Variants in NRG4 observed in about 807,000 individuals in gnomAD.
NRG4 encodes the protein neuregulin 4.
A neutral mutation model predicts 15.0 loss-of-function variants in NRG4; 10 were observed. The ratio of observed to expected loss-of-function variants is 0.67; its 90% confidence interval spans 0.41 to 1.13. The LOEUF is 1.13. Among genes scored for constraint, NRG4 ranks in the 50% most tolerant of loss-of-function variants. The probability of loss-of-function intolerance (pLI) is 0.00; values close to 1 mark genes in which losing one functional copy is unlikely to be tolerated. For missense variants in NRG4, 139 were observed against 140.2 expected, an observed-to-expected ratio of 0.99 and a Z score of 0.04; for synonymous variants, 41 against 50.1, an observed-to-expected ratio of 0.82 and a Z score of 0.77.
intron 3 of NRG4, among the ~76,000 whole-genome samples, chr15:76,002,626 T>C (rs1482569953): frequency 1.3e-5 from 2 of 151,920 alleles, no homozygotes; most frequent in Non-Finnish European, 2.9e-5. Context: ...TACAGATAGG[T>C]TAAAAGAGGA....
chr15:76,024,869 T>C (rs1216875979), intron 5 of NRG4, among the ~76,000 whole-genome samples: 2 of 152,096 alleles, frequency 1.3e-5, no homozygotes, highest in Non-Finnish European at 2.9e-5. Context: ...CCAAGACCCA[T>C]CTATATGTAT....
At chr15:76,044,131 G>A (rs1193514195) in intron 4 of NRG4, among the ~76,000 whole-genome samples, 1 of 151,900 alleles carries the variant, frequency 6.6e-6, no homozygotes, top group African/African-American at 2.4e-5. Context: ...CCGAGTAGCT[G>A]GGACTACAAG....
chr15:76,032,017 A>T (rs1457504880), intron 5 of NRG4, among the ~76,000 whole-genome samples: 1 of 152,314 alleles, frequency 6.6e-6, no homozygotes, highest in East Asian at 1.9e-4. Flanking sequence ...AGAGAGGAGA[A>T]TTACCCACTA....
rs115585068 is a variant in NRG4, at chr15:76,046,161, T to C, written c.-105+5906A>G. Among the ~76,000 whole-genome samples the C allele has an allele frequency of 8.1e-3, 1,229 of 150,910 alleles. 84 individuals carry two copies. Among genetic ancestry groups the C allele is most frequent in the African/African-American group, 0.03 (1,205 of 40,470 alleles). ...AATCTAACTAAAGAAGTGAAAGATC[T>C]ATACAAGCAAAACCATGAAACTGAT... On this transcript the variant is annotated intron_variant, in intron 4 of 8. Coordinates refer to the NRG4 transcript ENST00000563910.
At chr15:76,043,096 T>C (rs1003356236) in intron 4 of NRG4, among the ~76,000 whole-genome samples, 1 of 152,112 alleles carries the variant, frequency 6.6e-6, no homozygotes, top group African/African-American at 2.4e-5. Context: ...CTGATAAAAT[T>C]CAACATTTCA....
chr15:76,038,739 T>TAG (rs1018702197), intron 4 of NRG4, among the ~76,000 whole-genome samples: 83 of 152,244 alleles, frequency 5.5e-4, no homozygotes, highest in African/African-American at 1.9e-3. Context: ...ATGCTGACTG[T>TAG]AGAGCCCTAG....
intron 1 of NRG4, among the ~76,000 whole-genome samples, chr15:76,058,478 G>C (rs2036209345): frequency 6.6e-6 from 1 of 152,166 alleles, no homozygotes; most frequent in African/African-American, 2.4e-5. Context: ...GTATAATCCA[G>C]GGAAGGTAGT....
At chr15:75,954,293 G>T in intron 5 of NRG4, among the ~76,000 whole-genome samples, 2 of 148,192 alleles carry the variant, frequency 1.3e-5, no homozygotes, top group Non-Finnish European at 1.5e-5. Context: ...TCAGACACTA[G>T]TTTTCATCTC....
At chr15:76,049,058 A>T (rs1189385949) in intron 4 of NRG4, among the ~76,000 whole-genome samples, 2 of 150,466 alleles carry the variant, frequency 1.3e-5, no homozygotes, top group Non-Finnish European at 1.5e-5. Context: ...AAGAAAAAAA[A>T]AATCCAAACA....
intron 3 of NRG4, among the ~76,000 whole-genome samples, chr15:75,984,088 G>A (rs2133409): frequency 0.04 from 6,021 of 152,190 alleles, 215 homozygotes; most frequent in African/African-American, 0.094. Flanking sequence ...TTAGGATAGC[G>A]AAAATACCTG....
At chr15:76,056,583 C>A (rs149018298) in intron 2 of NRG4, among the ~76,000 whole-genome samples, 9 of 152,050 alleles carry the variant, frequency 5.9e-5, no homozygotes, top group African/African-American at 2.2e-4. Context: ...ATTTTTCAGG[C>A]TTTTACCAAC....
intron 5 of NRG4, among the ~76,000 whole-genome samples, chr15:76,029,051 ACAAAATACTAGCAAGCCAAATC>A (rs2035399259): frequency 6.6e-6 from 1 of 152,224 alleles, no homozygotes; most frequent in South Asian, 2.1e-4. Flanking sequence ...AAATTCCTCA[ACAAAATACTAGCAAGCCAAATC>A]CAAAATACAT....
chr15:76,043,989 G>A (rs901545441), intron 4 of NRG4, among the ~76,000 whole-genome samples: 1 of 152,018 alleles, frequency 6.6e-6, no homozygotes, highest in Non-Finnish European at 1.5e-5. Flanking sequence ...ATCCATACAT[G>A]AACTAATTTT....
chr15:76,042,063 A>G (rs1474078799), intron 4 of NRG4, among the ~76,000 whole-genome samples: 1 of 152,208 alleles, frequency 6.6e-6, no homozygotes, highest in Admixed American at 6.5e-5. Context: ...AAATTAAACA[A>G]TATGCTCCAG....
chr15:76,009,227 A>G lies in NRG4; in HGVS notation c.77T>C (p.Ile26Thr), dbSNP rs147012132. 35 of 1,596,456 alleles carry G rather than the reference A, an allele frequency of 2.2e-5. No homozygotes were observed. Among genetic ancestry groups the G allele is most frequent in the Non-Finnish European group, 3.0e-5 (35 of 1,164,540 alleles). ...ACAAAATGGGCTGGGAATAGTAGGT[A>G]TCACATAACAAAGCCCCCCATTCAG... ...FCLNGGLCYV[I>T]PTIPSPFCRC... Residue 26 changes from isoleucine (I) to threonine (T), a missense_variant, in exon 3 of 6, where the codon ATA (isoleucine) becomes ACA (threonine). Ile to Thr is a moderately conservative substitution (Grantham distance 89). Transcript: ENST00000394907.
intron 4 of NRG4, among the ~76,000 whole-genome samples, chr15:76,048,655 C>G (rs1263929881): frequency 6.6e-6 from 1 of 150,688 alleles, no homozygotes; most frequent in Non-Finnish European, 1.5e-5. Context: ...TAGTGCTCCC[C>G]ACCCTCACTA....
chr15:76,005,400 A>G (rs2034562515), intron 3 of NRG4, among the ~76,000 whole-genome samples: 1 of 146,324 alleles, frequency 6.8e-6, no homozygotes, highest in African/African-American at 2.5e-5. Flanking sequence ...AAAAAAAAAA[A>G]AGGGCCAGGT....
downstream of NRG4, chr15:75,935,868 A>G (rs1030781682): frequency 6.6e-6 from 1 of 151,954 alleles, no homozygotes; most frequent in African/African-American, 2.4e-5. Context: ...GCTCACTGCA[A>G]GCTCCGCCTC....
chr15:76,001,012 G>C (rs2034393882), intron 3 of NRG4, among the ~76,000 whole-genome samples: 1 of 151,898 alleles, frequency 6.6e-6, no homozygotes, highest in Admixed American at 6.6e-5. Flanking sequence ...TTAGAGACAG[G>C]GTTTTGCTCT....
Sources: allele counts gnomAD v4.1 joint callset (sites outside exome capture counted in the v4.1 genomes callset), GRCh38; gene constraint gnomAD v4.1.1; transcripts MANE v1.5; gene names NCBI Gene and HGNC (gene_info 2026-07-23, HGNC 2026-07-21).